SYMPK: variants seen among roughly 807,000 people sequenced by gnomAD.
SYMPK encodes symplekin.
Under a neutral mutation model 136.4 loss-of-function variants are expected in SYMPK, and 49 were observed. The observed-to-expected ratio is 0.36, with a 90% CI of 0.29 to 0.46. SYMPK has a LOEUF of 0.46. Ranked by LOEUF, SYMPK falls within the 20% of genes least tolerant of loss-of-function variation. The pLI, the probability that SYMPK is intolerant of heterozygous loss-of-function variation, is 1.00. For synonymous variants in SYMPK, 766 were observed against 713.0 expected (o/e 1.07, Z -1.19); for missense variants, 1,365 against 1,690.0 (o/e 0.81, Z 3.37).
chr19:45,854,163 C>G lies in SYMPK; in HGVS notation c.171+12G>C, dbSNP rs1971761603. 6.2e-7 allele frequency: 1 copy of G among 1,614,020 alleles called. No homozygotes were observed. The highest frequency in any genetic ancestry group is 8.5e-7 in the Non-Finnish European group (1 of 1,179,984). ...TCACCTGCTCAGCCCAGGATGCCCCCCGGGCCCTCACCTGTTTGAGCACTG... is the reference window on the plus strand; with the variant it reads ...TCACCTGCTCAGCCCAGGATGCCCCGCGGGCCCTCACCTGTTTGAGCACTG... On this transcript the variant is annotated intron_variant, in intron 3 of 26. Coordinates refer to ENST00000245934, the MANE Select transcript of SYMPK (RefSeq NM_004819.3).
At position 45,821,523 on chromosome 19, in the gene SYMPK, C is replaced by T. The variant is rs375313402; in HGVS notation, c.2792-38G>A. On this transcript the variant is annotated intron_variant, in intron 21 of 26. Transcript: ENST00000245934. The surrounding 1 kb of genome is among the most constrained non-coding windows in gnomAD (Gnocchi z 4.4). The stretch of plus-strand genomic sequence containing the variant: ...GGAGGAAGGGTGGGGGAAGACAGTG[C>T]GGACGCATAAGTGAAGAGATGGGTC... The T allele has an allele frequency of 1.8e-5, 26 of 1,436,872 alleles. No homozygotes were observed. The Admixed American group carries it at 2.6e-4, about 15-fold the overall frequency. The allele number at this position is 1,436,872 out of a possible 1,614,324, so 89.0% of individuals were successfully genotyped here. A position where few individuals can be genotyped will look rare whatever the true frequency, so the allele number is the denominator to read the frequency against.
At position 45,826,994 on chromosome 19, in the gene SYMPK, C is replaced by T. The variant is rs139822019; in HGVS notation, c.2181+516G>A. Among the ~76,000 whole-genome samples the T allele has an allele frequency of 2.0e-3, 309 of 152,314 alleles. 2 individuals carry two copies. The highest frequency in any genetic ancestry group is 7.0e-3 in the African/African-American group (290 of 41,564). ...TTCCAGGTCTCAGCGTACAAGTCCC[C>T]TCCTTGAAAGAAGCCTTCCTTGAAA... On this transcript the variant is annotated intron_variant, in intron 16 of 26. Coordinates refer to ENST00000245934, the MANE Select transcript of SYMPK (RefSeq NM_004819.3).
intron 5 of SYMPK, among the ~76,000 whole-genome samples, chr19:45,851,823 G>A (rs1433356557): frequency 1.3e-5 from 2 of 151,542 alleles, no homozygotes; most frequent in African/African-American, 4.8e-5. Context: ...GCAGTGAGCC[G>A]AGATTGCGCC....
intron 24 of SYMPK, 75 bp from the exon 25 acceptor site, chr19:45,816,652 G>A (rs1165829127): frequency 2.5e-6 from 4 of 1,589,868 alleles, no homozygotes; most frequent in Non-Finnish European, 3.4e-6. Flanking sequence ...TCAGGTCCGG[G>A]GGCCCTAACC....
intron 18 of SYMPK, 132 bp from the exon 19 acceptor site, chr19:45,824,007 G>A: frequency 2.0e-6 from 1 of 505,518 alleles, no homozygotes; most frequent in South Asian, 1.9e-5. Flanking sequence ...TTGGAGGGCG[G>A]GGGAAAGGTG....
Position 45,821,585 on chromosome 19 carries a change from G to A in SYMPK, c.2792-100C>T, listed in dbSNP as rs1331301539. ...GATCGGGGGAGCTGCGAGCAAAGAT[G>A]AGGTGCCCTCTGCTTTCAGGGCTGG... On this transcript the variant is annotated intron_variant, in intron 21 of 26. Transcript: ENST00000245934. This position sits in a 1 kb window ranked among gnomAD's most constrained non-coding sequence, Gnocchi z 4.4. 1.3e-6 allele frequency: 1 copy of A among 764,704 alleles called. No homozygotes were observed. Among genetic ancestry groups the A allele is most frequent in the African/African-American group, 1.8e-5 (1 of 56,496 alleles). 47.4% of individuals were successfully genotyped at this position (764,704 alleles called of 1,614,324 possible).
intron 21 of SYMPK, among the ~76,000 whole-genome samples, chr19:45,822,195 T>G (rs1398067215): frequency 2.1e-5 from 3 of 143,774 alleles, no homozygotes; most frequent in East Asian, 2.1e-4. Context: ...CTCCGCTCAC[T>G]GCAAGCTCCG....
chr19:45,849,686 C>A (rs1428118570), intron 5 of SYMPK, among the ~76,000 whole-genome samples: 5 of 152,174 alleles, frequency 3.3e-5, no homozygotes, highest in African/African-American at 9.7e-5. Context: ...AGAAAATTTA[C>A]CACAAATTCT....
At position 45,818,014 on chromosome 19, in the gene SYMPK, T is replaced by C. The variant is rs780536026; in HGVS notation, c.3026A>G (p.Tyr1009Cys). 1 of 1,569,064 alleles carries C rather than the reference T, an allele frequency of 6.4e-7. No homozygotes were observed. Among genetic ancestry groups the C allele is most frequent in the Admixed American group, 1.9e-5 (1 of 53,300 alleles). Residue 1009 changes from tyrosine (Y) to cysteine (C), a missense_variant, in exon 23 of 27, where the codon TAC becomes TGC. By Grantham distance (194) the Tyr-to-Cys change is radical. This residue lies in a region of SYMPK where 156 missense variants were observed against 217.8 expected (regional missense o/e 0.72). Coordinates refer to ENST00000245934, the MANE Select transcript of SYMPK (RefSeq NM_004819.3). ...MRTVIQSLTM[Y>C]PRLGGFVMNI... Reference sequence around the variant, plus strand: ...CATGACGAAGCCCCCCAGGCGGGGGTACATGGTCAGGGACTGGATGACGGT... The same window carrying C: ...CATGACGAAGCCCCCCAGGCGGGGGCACATGGTCAGGGACTGGATGACGGT...
chr19:45,844,080 T>C lies in SYMPK; in HGVS notation c.797A>G (p.Gln266Arg). The change falls in exon 8 of 27, where the codon CAG becomes CGG. Residue 266 changes from glutamine (Q) to arginine (R), a missense_variant. This residue lies in a region of SYMPK where 237 missense variants were observed against 292.9 expected (regional missense o/e 0.81). Coordinates refer to ENST00000245934, the MANE Select transcript of SYMPK (RefSeq NM_004819.3). ...CACCTCAGACATGAACATGGGTCTCTGGCGGGCGATATTGGCAAGGGAGCC... is the reference window on the plus strand; with the variant it reads ...CACCTCAGACATGAACATGGGTCTCCGGCGGGCGATATTGGCAAGGGAGCC... ...ALGSLANIAR[Q>R]RPMFMSEVIQ... 6.2e-7 allele frequency: 1 copy of C among 1,610,156 alleles called. No individual in the cohort carries two copies. Among genetic ancestry groups the C allele is most frequent in the Non-Finnish European group, 8.5e-7 (1 of 1,178,174 alleles).
At chr19:45,830,888 C>T (rs1325355952) in intron 12 of SYMPK, 1 of 148,772 alleles carries the variant, frequency 6.7e-6, no homozygotes, top group Non-Finnish European at 1.5e-5. Context: ...GACTCCGACT[C>T]AAAAAAAAAT....
In SYMPK at chr19:45,815,420, C is replaced by G. The variant is rs62748960; in HGVS notation, c.*140G>C. 12 of 48,834 alleles carry G rather than the reference C, an allele frequency of 2.5e-4. No homozygotes were observed. The highest frequency in any genetic ancestry group is 3.0e-4 in the Non-Finnish European group (9 of 30,132). 3.0% of individuals were successfully genotyped at this position (48,834 alleles called of 1,614,324 possible). Reference sequence around the variant, plus strand: ...GGCACCCGCGCCCCAGGCCCGCCATCCCTTTTTTTTTTTCTTTTCAGTAAC... The same window carrying G: ...GGCACCCGCGCCCCAGGCCCGCCATGCCTTTTTTTTTTTCTTTTCAGTAAC... On this transcript the variant is annotated 3_prime_UTR_variant, in exon 27 of 27. Transcript: ENST00000245934.
intron 22 of SYMPK, chr19:45,819,812 C>G (rs1343231638): frequency 6.6e-6 from 1 of 152,294 alleles, no homozygotes; most frequent in Non-Finnish European, 1.5e-5. Flanking sequence ...GGGGAGTGAA[C>G]AGTGCACAAC....
chr19:45,816,815 A>G lies in SYMPK; in HGVS notation c.3241T>C (p.Ser1081Pro). 1 of 1,539,018 alleles carries G rather than the reference A, an allele frequency of 6.5e-7. No individual in the cohort carries two copies. The highest frequency in any genetic ancestry group is 8.8e-7 in the Non-Finnish European group (1 of 1,142,076). The change falls in exon 24 of 27, where the codon TCC becomes CCC. Residue 1081 changes from serine (S) to proline (P), a missense_variant. Transcript: ENST00000245934. Reference sequence around the variant, plus strand: ...AGGGGTACCTGGTGGGGGGTGAAGGAGCGGACATGGGCCAGCAGGGGCTCC... The same window carrying G: ...AGGGGTACCTGGTGGGGGGTGAAGGGGCGGACATGGGCCAGCAGGGGCTCC... ...LREPLLAHVR[S>P]FTPHQQAHIP...
chr19:45,857,894 G>A (rs1405033105), intron 1 of SYMPK, among the ~76,000 whole-genome samples: 2 of 151,494 alleles, frequency 1.3e-5, no homozygotes, highest in East Asian at 3.9e-4. Flanking sequence ...CACCCTCCCA[G>A]GTTCAAGCAA....
chr19:45,823,495 A>C, intron 19 of SYMPK, 23 bp from the exon 20 acceptor site: 5 of 1,609,956 alleles, frequency 3.1e-6, no homozygotes, highest in Non-Finnish European at 4.2e-6. Context: ...AGCAGGAGGC[A>C]CCAAGTTGGA....
intron 22 of SYMPK, chr19:45,820,862 A>C: frequency 2.1e-6 from 1 of 476,798 alleles, no homozygotes; most frequent in South Asian, 3.5e-5. Flanking sequence ...CAGCAGGCTC[A>C]GGCCTGTAGG....
chr19:45,860,436 C>A (rs1348590042), intron 1 of SYMPK, among the ~76,000 whole-genome samples: 2 of 147,862 alleles, frequency 1.4e-5, no homozygotes, highest in African/African-American at 5.0e-5. Flanking sequence ...CCAGCGTGGG[C>A]AACAAGAGTG....
In SYMPK at chr19:45,838,533, G is replaced by A. The variant is rs140016441; in HGVS notation, c.1170C>T (p.Ser390=). The change falls in exon 10 of 27, where the codon TCC becomes TCT. Residue 390 remains serine (S), a synonymous_variant. Coordinates refer to ENST00000245934, the MANE Select transcript of SYMPK (RefSeq NM_004819.3). ...SGTSKASAQI[S]GQSDTDITAE... ...CTGTGATGTCCGTGTCTGACTGGCC[G>A]GAGATCTGCGCTGAGGCCTTCGAGG... The A allele has an allele frequency of 1.2e-4, 199 of 1,614,138 alleles. 1 individual carries two copies. In the African/African-American group the frequency reaches 1.8e-3, roughly 15 times the overall value.
Sources: allele counts gnomAD v4.1 joint callset (sites outside exome capture counted in the v4.1 genomes callset), GRCh38; gene constraint gnomAD v4.1.1; regional missense constraint gnomAD v4.1.1; non-coding constraint Gnocchi (gnomAD v3.1); transcripts MANE v1.5; gene names NCBI Gene and HGNC (gene_info 2026-07-23, HGNC 2026-07-21).